HIBCH: variants seen among roughly 807,000 people sequenced by gnomAD.
The protein encoded by HIBCH is 3-hydroxyisobutyryl-CoA hydrolase.
HIBCH carries 50 observed loss-of-function variants against 58.2 expected under a neutral mutation model. The observed-to-expected ratio is 0.86, with a 90% confidence interval of 0.68 to 1.09. The LOEUF is 1.09. HIBCH is among the 50% of genes least tolerant of loss of function. The pLI is 0.00. For synonymous variants in HIBCH, 151 were observed against 146.9 expected, an observed-to-expected ratio of 1.03 and a Z score of -0.20; for missense variants, 450 against 449.7, an observed-to-expected ratio of 1.00 and a Z score of -0.01.
chr2:190,242,942 ATTATGTTAGGCATAATTATGACC>A (rs1686496928), intron 11 of HIBCH, among the ~76,000 whole-genome samples: 1 of 152,182 alleles, frequency 6.6e-6, no homozygotes, highest in African/African-American at 2.4e-5. Flanking sequence ...GGGTAGTTGC[ATTATGTTAGGCATAATTATGACC>A]TTATTATTGT....
intron 11 of HIBCH, among the ~76,000 whole-genome samples, chr2:190,224,239 G>A (rs910019920): frequency 1.3e-5 from 2 of 152,200 alleles, no homozygotes; most frequent in African/African-American, 4.8e-5. Context: ...GCTTGAGTAC[G>A]TAAACAAAGC....
chr2:190,223,391 C>A (rs1296901932), intron 11 of HIBCH, among the ~76,000 whole-genome samples: 2 of 152,190 alleles, frequency 1.3e-5, no homozygotes, highest in African/African-American at 4.8e-5. Flanking sequence ...TGCCACCATG[C>A]CCTATTAAGT....
At chr2:190,288,656 AT>A (rs1276107901) in intron 5 of HIBCH, among the ~76,000 whole-genome samples, 2 of 152,066 alleles carry the variant, frequency 1.3e-5, no homozygotes, top group African/African-American at 4.8e-5. Context: ...GTAAGATAGT[AT>A]TTATGTAAAT....
At chr2:190,259,767 A>G (rs749073463) in intron 7 of HIBCH, among the ~76,000 whole-genome samples, 1 of 152,072 alleles carries the variant, frequency 6.6e-6, no homozygotes, top group African/African-American at 2.4e-5. Flanking sequence ...AGTTTTCCAT[A>G]TATATATAAG....
rs1690492647 is a variant in HIBCH at position 190,210,517 on chromosome 2, G to T, written c.1012-1604C>A. 6.6e-6 allele frequency among the ~76,000 whole-genome samples: 1 copy of T among 152,058 alleles called. No individual in the cohort carries two copies. The highest frequency in any genetic ancestry group is 2.4e-5 in the African/African-American group (1 of 41,372). On this transcript the variant is annotated intron_variant, in intron 12 of 13. Coordinates refer to ENST00000359678, the MANE Select transcript of HIBCH (RefSeq NM_014362.4). The surrounding 1 kb of genome is among the most constrained non-coding windows in gnomAD (Gnocchi z 5.5). ...TCTTACCTATTCAGTGCTCAACATA[G>T]CAGCCTGAGTGATCAATTCTTTAAA...
At chr2:190,299,892 C>T (rs1688216023) in intron 2 of HIBCH, among the ~76,000 whole-genome samples, 1 of 152,158 alleles carries the variant, frequency 6.6e-6, no homozygotes, top group South Asian at 2.1e-4. Context: ...TCATTTAGCT[C>T]CCACTTATAA....
intron 6 of HIBCH, among the ~76,000 whole-genome samples, chr2:190,261,634 T>A (rs1484872397): frequency 2.0e-5 from 3 of 151,982 alleles, no homozygotes; most frequent in Non-Finnish European, 4.4e-5. Flanking sequence ...TATACATATA[T>A]AAAATTCACA....
chr2:190,230,655 G>A (rs933973179), intron 11 of HIBCH, among the ~76,000 whole-genome samples: 3 of 152,142 alleles, frequency 2.0e-5, no homozygotes, highest in Admixed American at 2.0e-4. Flanking sequence ...AGATCGTGCC[G>A]CTGCACTCCA....
chr2:190,240,211 T>C (rs1431957350), intron 11 of HIBCH, among the ~76,000 whole-genome samples: 1 of 152,242 alleles, frequency 6.6e-6, no homozygotes, highest in Non-Finnish European at 1.5e-5. Flanking sequence ...TTTGACTTCT[T>C]CCTGGTTTAG....
At chr2:190,252,118 GT>G in intron 8 of HIBCH, 43 bp downstream of exon 8, 1 of 1,584,736 alleles carries the variant, frequency 6.3e-7, no homozygotes, top group Non-Finnish European at 8.7e-7. Flanking sequence ...ACTATTTTGT[GT>G]TGTTATTCCA....
chr2:190,284,247 T>C (rs891893708), intron 6 of HIBCH, among the ~76,000 whole-genome samples: 2 of 152,208 alleles, frequency 1.3e-5, no homozygotes, highest in African/African-American at 4.8e-5. Flanking sequence ...TCTTTTGAAA[T>C]AAATATTCTT....
chr2:190,292,510 C>G (rs1687984562), intron 4 of HIBCH, among the ~76,000 whole-genome samples: 1 of 152,102 alleles, frequency 6.6e-6, no homozygotes, highest in African/African-American at 2.4e-5. Flanking sequence ...GGGGTTTCAC[C>G]ACATTGCCCA....
intron 6 of HIBCH, among the ~76,000 whole-genome samples, chr2:190,272,490 C>A (rs1231261050): frequency 6.6e-6 from 1 of 152,106 alleles, no homozygotes; most frequent in Non-Finnish European, 1.5e-5. Context: ...AACCTCTAGA[C>A]CAAAAATCAT....
Position 190,296,237 on chromosome 2 carries a change from G to A in HIBCH, c.219+576C>T, listed in dbSNP as rs533983660. ...AGATCAAGACCATCCTGGCTAACAC[G>A]GTGAAACCCCGTCTCTACTAAAAAT... is the stretch of plus-strand genomic sequence containing the variant. On this transcript the variant is annotated intron_variant, in intron 3 of 13. Coordinates refer to ENST00000359678, the MANE Select transcript of HIBCH (RefSeq NM_014362.4). 2.6e-5 allele frequency among the ~76,000 whole-genome samples: 4 copies of A among 152,218 alleles called. No individual in the cohort carries two copies. The South Asian group carries it at 8.3e-4, about 32-fold the overall frequency.
intron 7 of HIBCH, among the ~76,000 whole-genome samples, chr2:190,255,010 T>C (rs965010351): frequency 3.3e-5 from 5 of 152,210 alleles, no homozygotes; most frequent in African/African-American, 1.2e-4. Flanking sequence ...CTATACAGTA[T>C]TGGACAGTGT....
intron 6 of HIBCH, among the ~76,000 whole-genome samples, chr2:190,268,135 T>C (rs933114256): frequency 1.3e-5 from 2 of 152,210 alleles, no homozygotes; most frequent in Non-Finnish European, 2.9e-5. Context: ...AAAATTTAAA[T>C]GTACTATCTA....
rs1165744421 is a variant in HIBCH, at chr2:190,210,562, C to G, written c.1012-1649G>C. On this transcript the variant is annotated intron_variant, in intron 12 of 13. Transcript: ENST00000359678. This position sits in a 1 kb window ranked among gnomAD's most constrained non-coding sequence, Gnocchi z 5.5. ...TTTAAAGTATAAGATCATGGCATTC[C>G]TCTCCTCATAATCACCTAGTGGCTT... 6.6e-6 allele frequency among the ~76,000 whole-genome samples: 1 copy of G among 152,184 alleles called. No homozygotes were observed. The highest frequency in any genetic ancestry group is 2.4e-5 in the African/African-American group (1 of 41,430).
At chr2:190,307,098 T>C (rs958146035) in intron 2 of HIBCH, among the ~76,000 whole-genome samples, 2 of 152,166 alleles carry the variant, frequency 1.3e-5, no homozygotes, top group Admixed American at 1.3e-4. Flanking sequence ...TCTACTATAT[T>C]CTTGGGAACT....
At chr2:190,318,580 C>T (rs1315760984) in intron 1 of HIBCH, among the ~76,000 whole-genome samples, 1 of 152,186 alleles carries the variant, frequency 6.6e-6, no homozygotes, top group African/African-American at 2.4e-5. Context: ...GCCTCACCTA[C>T]AGAGTACTGC....
Sources: allele counts gnomAD v4.1 joint callset (sites outside exome capture counted in the v4.1 genomes callset), GRCh38; gene constraint gnomAD v4.1.1; non-coding constraint Gnocchi (gnomAD v3.1); transcripts MANE v1.5; gene names NCBI Gene and HGNC (gene_info 2026-07-23, HGNC 2026-07-21).